PAH: variants seen among roughly 807,000 people sequenced by gnomAD.
PAH encodes the protein phenylalanine hydroxylase.
Under a neutral mutation model 62.0 loss-of-function variants are expected in PAH, and 64 were observed. That is an observed-to-expected ratio of 1.03 (90% CI 0.84 to 1.27). The LOEUF is 1.27. PAH is among the 50% of genes most tolerant of loss of function. PAH has a pLI of 0.00. For synonymous variants in PAH, 195 were observed against 196.2 expected, an observed-to-expected ratio of 0.99 and a Z score of 0.05; for missense variants, 579 against 542.8, an observed-to-expected ratio of 1.07 and a Z score of -0.66.
In PAH at chr12:102,850,966, C is replaced by T. The variant is rs563197149; in HGVS notation, c.912+721G>A. 2.0e-4 allele frequency among the ~76,000 whole-genome samples: 30 copies of T among 151,998 alleles called. 1 individual carries two copies. The South Asian group carries it at 5.6e-3, about 28-fold the overall frequency. On this transcript the variant is annotated intron_variant, in intron 8 of 12. Coordinates refer to ENST00000553106, the MANE Select transcript of PAH (RefSeq NM_000277.3). ...AGGCATGAAAGTATGTGCTTGTAGTCCCAGCCACTCAGGAGGCTGAGGTGG... is the reference window on the plus strand; with the variant it reads ...AGGCATGAAAGTATGTGCTTGTAGTTCCAGCCACTCAGGAGGCTGAGGTGG...
chr12:102,890,658 C>T, intron 3 of PAH, among the ~76,000 whole-genome samples: 1 of 152,238 alleles, frequency 6.6e-6, no homozygotes, highest in African/African-American at 2.4e-5. Context: ...AAAATGTCAT[C>T]CCACTTCAAA....
chr12:102,851,710 G>A lies in PAH; in HGVS notation c.889C>T (p.Arg297Cys), dbSNP rs62642945. The change falls in exon 8 of 13, where the codon CGC becomes TGC. Residue 297 changes from arginine to cysteine, a missense_variant. Transcript: ENST00000553106. ...LLGHVPLFSD[R>C]SFAQFSQEIG... Reference sequence around the variant, plus strand: ...ACCTGGGAAAACTGGGCAAAGCTGCGATCTGAAAACAAGGGCACATGTCCC... The same window carrying A: ...ACCTGGGAAAACTGGGCAAAGCTGCAATCTGAAAACAAGGGCACATGTCCC... 26 of 1,613,836 alleles carry A rather than the reference G, an allele frequency of 1.6e-5. No individual in the cohort carries two copies. Among genetic ancestry groups the A allele is most frequent in the Middle Eastern group, 1.6e-4 (1 of 6,084 alleles).
At chr12:102,894,217 C>T (rs1190685763) in intron 3 of PAH, among the ~76,000 whole-genome samples, 1 of 152,094 alleles carries the variant, frequency 6.6e-6, no homozygotes, top group Non-Finnish European at 1.5e-5. Context: ...TTCTTCATTG[C>T]TTGCTTTCAT....
At chr12:102,927,427 T>A (rs944492370) in intron 1 of PAH, among the ~76,000 whole-genome samples, 3 of 152,122 alleles carry the variant, frequency 2.0e-5, no homozygotes, top group African/African-American at 7.2e-5. Flanking sequence ...TCTCCTGGAC[T>A]AAGAACTCTC....
intron 2 of PAH, among the ~76,000 whole-genome samples, chr12:102,902,200 A>G (rs1396772481): frequency 6.6e-6 from 1 of 152,228 alleles, no homozygotes; most frequent in African/African-American, 2.4e-5. Context: ...AAGAGAATGC[A>G]CAATGTGAGG....
At chr12:102,895,862 A>C (rs1877476610) in intron 2 of PAH, among the ~76,000 whole-genome samples, 1 of 138,338 alleles carries the variant, frequency 7.2e-6, no homozygotes, top group African/African-American at 3.0e-5. Flanking sequence ...CTCAAAAAAA[A>C]AAAAAAAATA....
chr12:102,861,438 C>G (rs1048204538), intron 5 of PAH, among the ~76,000 whole-genome samples: 16 of 152,180 alleles, frequency 1.1e-4, no homozygotes, highest in African/African-American at 3.6e-4. Flanking sequence ...CCTCAAGGAT[C>G]TATAACTAGA....
intron 5 of PAH, among the ~76,000 whole-genome samples, chr12:102,860,801 A>T (rs1875680745): frequency 6.6e-6 from 1 of 152,208 alleles, no homozygotes; most frequent in African/African-American, 2.4e-5. Flanking sequence ...CTGAAACTGG[A>T]TCCCTTCCTT....
intron 4 of PAH, among the ~76,000 whole-genome samples, chr12:102,869,678 G>T (rs1426096018): frequency 6.6e-6 from 1 of 152,146 alleles, no homozygotes; most frequent in Non-Finnish European, 1.5e-5. Flanking sequence ...TTATCAGCCT[G>T]CAAGGGGCCC....
At chr12:102,951,621 G>T (rs1368941367), upstream of PAH, among the ~76,000 whole-genome samples, 2 of 152,170 alleles carry the variant, frequency 1.3e-5, no homozygotes, top group African/African-American at 4.8e-5. Flanking sequence ...AAGTTTGCTG[G>T]AGCCCTCTTC....
chr12:102,841,796 A>G (rs912306381), intron 11 of PAH, among the ~76,000 whole-genome samples: 9 of 151,970 alleles, frequency 5.9e-5, no homozygotes, highest in African/African-American at 2.2e-4. Flanking sequence ...ATTTACCCCT[A>G]CCCTACTAGG....
intron 3 of PAH, among the ~76,000 whole-genome samples, chr12:102,882,681 T>A (rs1430462087): frequency 2.8e-5 from 4 of 142,772 alleles, no homozygotes; most frequent in Non-Finnish European, 6.1e-5. Context: ...TATATAAAAT[T>A]TTTTTCTACT....
chr12:102,908,069 A>G (rs776121373), intron 2 of PAH, among the ~76,000 whole-genome samples: 3 of 152,144 alleles, frequency 2.0e-5, no homozygotes, highest in Non-Finnish European at 4.4e-5. Flanking sequence ...CAATCACCCA[A>G]TACAGTGACC....
intron 1 of PAH, among the ~76,000 whole-genome samples, chr12:102,955,877 G>T (rs1879895824): frequency 1.3e-5 from 2 of 152,168 alleles, no homozygotes; most frequent in Non-Finnish European, 2.9e-5. Flanking sequence ...GGCTGGGAAA[G>T]GTTACAGAAT....
intron 8 of PAH, among the ~76,000 whole-genome samples, chr12:102,849,874 G>A (rs959314774): frequency 6.6e-6 from 1 of 152,148 alleles, no homozygotes; most frequent in Admixed American, 6.6e-5. Context: ...AATGTTCTCA[G>A]GAAACTTTCA....
At chr12:102,945,468 C>T (rs1325221118) in intron 1 of PAH, among the ~76,000 whole-genome samples, 1 of 152,204 alleles carries the variant, frequency 6.6e-6, no homozygotes, top group African/African-American at 2.4e-5. Flanking sequence ...AGGAAACTAC[C>T]TGGTGCTCTC....
At chr12:102,845,305 T>A (rs1205810608) in intron 9 of PAH, among the ~76,000 whole-genome samples, 2 of 152,132 alleles carry the variant, frequency 1.3e-5, no homozygotes, top group African/African-American at 4.8e-5. Context: ...TGACAGGAAC[T>A]CCTCCATCTC....
chr12:102,878,881 G>C (rs1046158369), intron 3 of PAH, among the ~76,000 whole-genome samples: 4 of 151,982 alleles, frequency 2.6e-5, no homozygotes, highest in Non-Finnish European at 4.4e-5. Context: ...AAGAAACTGG[G>C]GCTCTAAAAG....
chr12:102,846,895 T>C lies in PAH; in HGVS notation c.969A>G (p.Thr323=), dbSNP rs199475637. 2 of 1,613,166 alleles carry C rather than the reference T, an allele frequency of 1.2e-6. No homozygotes were observed. The highest frequency in any genetic ancestry group is 1.7e-6 in the Non-Finnish European group (2 of 1,179,192). ...CCACCCAGGGAGAGAAGGGACTTACTGTGGCGAGCTTTTCAATGTATTCAT... is the reference window on the plus strand; with the variant it reads ...CCACCCAGGGAGAGAAGGGACTTACCGTGGCGAGCTTTTCAATGTATTCAT... ...APDEYIEKLA[T]IYWFTVEFGL... is the part of the protein sequence containing the mutation. Residue 323 remains threonine, a splice_region_variant and synonymous_variant, in exon 9 of 13, where the codon ACA becomes ACG. Coordinates refer to ENST00000553106, the MANE Select transcript of PAH (RefSeq NM_000277.3).
Sources: gnomAD v4.1 joint callset for allele counts (sites outside exome capture counted in the v4.1 genomes callset) on GRCh38, gnomAD v4.1.1 for gene constraint, MANE v1.5 for transcripts, NCBI Gene and HGNC (gene_info 2026-07-23, HGNC 2026-07-21) for gene names.